The following DYSF variants were observed in gnomAD, a reference collection of about 807,000 sequenced individuals.
DYSF encodes dystrophy-associated fer-1-like 1.
A neutral mutation model predicts 274.9 loss-of-function variants in DYSF; 212 were observed. The ratio of observed to expected loss-of-function variants is 0.77; its 90% CI spans 0.69 to 0.86. The LOEUF (loss-of-function observed/expected upper bound fraction) is 0.86, where lower values mean the gene tolerates loss of function less well. Ranked by LOEUF, DYSF falls within the 40% of genes least tolerant of loss-of-function variation. The probability of loss-of-function intolerance (pLI) is 0.00; values close to 1 mark genes in which losing one functional copy is unlikely to be tolerated. For synonymous variants in DYSF, 1,091 were observed against 1,078.7 expected (o/e 1.01, Z -0.22); for missense variants, 2,666 against 2,783.2 (o/e 0.96, Z 0.95).
chr2:71,471,236 G>A (rs1255150837), intron 1 of DYSF, among the ~76,000 whole-genome samples: 6 of 152,130 alleles, frequency 3.9e-5, no homozygotes, highest in Admixed American at 2.0e-4. Flanking sequence ...TTTCCTCCAA[G>A]ATTTTTTTTC....
intron 39 of DYSF, among the ~76,000 whole-genome samples, chr2:71,613,047 G>C (rs1225654747): frequency 4.6e-5 from 7 of 152,102 alleles, no homozygotes; most frequent in Admixed American, 4.6e-4. Context: ...GCTCAAAGTG[G>C]GCCCAGGGGG....
intron 55 of DYSF, among the ~76,000 whole-genome samples, chr2:71,682,947 A>G (rs1164430482): frequency 6.6e-6 from 1 of 152,168 alleles, no homozygotes; most frequent in Non-Finnish European, 1.5e-5. Flanking sequence ...GCAAGCCCCT[A>G]GAATTTGTAA....
intron 1 of DYSF, among the ~76,000 whole-genome samples, chr2:71,470,607 G>C (rs2081937385): frequency 6.8e-6 from 1 of 148,072 alleles, no homozygotes; most frequent in Non-Finnish European, 1.5e-5. Context: ...CCAGGAGACG[G>C]AGGTTGCAGT....
At chr2:71,543,879 G>A (rs1427763647) in intron 17 of DYSF, among the ~76,000 whole-genome samples, 6 of 147,284 alleles carry the variant, frequency 4.1e-5, no homozygotes, top group Admixed American at 3.3e-4. Context: ...AGACCGTGGG[G>A]AGAGGGAGAG....
chr2:71,610,265 T>C (rs1210139615), intron 36 of DYSF, among the ~76,000 whole-genome samples: 2 of 152,208 alleles, frequency 1.3e-5, no homozygotes, highest in East Asian at 3.8e-4. Flanking sequence ...CTGTTGAAGG[T>C]TTACATGAAG....
chr2:71,460,993 G>A (rs11898122), intron 1 of DYSF, among the ~76,000 whole-genome samples: 40,045 of 150,594 alleles, frequency 0.27, 5,745 homozygotes, highest in African/African-American at 0.39. Flanking sequence ...ATATCCAAAA[G>A]TCCCTCTAGG....
At chr2:71,549,317 C>T (rs1249771447) in intron 17 of DYSF, 3 of 1,608,976 alleles carry the variant, frequency 1.9e-6, no homozygotes, top group Admixed American at 1.7e-5. Context: ...GCCATGCCCA[C>T]CCTAACCCCT....
chr2:71,571,897 GCA>G (rs1006225588), intron 29 of DYSF, among the ~76,000 whole-genome samples: 6 of 101,334 alleles, frequency 5.9e-5, no homozygotes, highest in Non-Finnish European at 1.2e-4. Flanking sequence ...CTCACACCCA[GCA>G]CACACACAGA....
chr2:71,666,768 G>T (rs2095020644), intron 47 of DYSF, among the ~76,000 whole-genome samples: 1 of 152,228 alleles, frequency 6.6e-6, no homozygotes, highest in African/African-American at 2.4e-5. Flanking sequence ...CTGCTCTGCT[G>T]CTAGTTGTGT....
intron 10 of DYSF, among the ~76,000 whole-genome samples, chr2:71,519,455 G>A (rs1427155089): frequency 2.0e-5 from 3 of 152,112 alleles, no homozygotes; most frequent in Admixed American, 2.0e-4. Flanking sequence ...TAAGTGGAAT[G>A]TACACAGTTC....
intron 34 of DYSF, 67 bp from the exon 35 acceptor site, chr2:71,601,432 T>C (rs955642549): frequency 1.0e-5 from 16 of 1,592,096 alleles, no homozygotes; most frequent in Non-Finnish European, 1.2e-5. Context: ...AGTCCATGAG[T>C]GTCATGAGGG....
At chr2:71,592,268 A>G (rs2093288968) in intron 32 of DYSF, among the ~76,000 whole-genome samples, 2 of 152,108 alleles carry the variant, frequency 1.3e-5, no homozygotes, top group African/African-American at 4.8e-5. Context: ...CCCTCTGGAG[A>G]CGGCATTGGT....
intron 20 of DYSF, 55 bp from the exon 21 acceptor site, chr2:71,553,752 A>AAACCCC: frequency 3.7e-6 from 1 of 267,804 alleles, no homozygotes; most frequent in Non-Finnish European, 6.7e-6. Context: ...TTAGCACCCC[A>AAACCCC]TCCCACCCGC....
intron 41 of DYSF, among the ~76,000 whole-genome samples, chr2:71,628,372 T>G (rs143025593): frequency 6.6e-6 from 1 of 152,130 alleles, no homozygotes; most frequent in African/African-American, 2.4e-5. Context: ...AAGCATTATT[T>G]TATTTTAAGT....
chr2:71,620,234 C>T (rs2152894305), intron 40 of DYSF, among the ~76,000 whole-genome samples: 1 of 152,294 alleles, frequency 6.6e-6, no homozygotes, highest in East Asian at 1.9e-4. Flanking sequence ...ATTGGCTGAG[C>T]CCCTTCCACG....
chr2:71,597,555 C>T (rs2093435281), intron 32 of DYSF, among the ~76,000 whole-genome samples: 1 of 152,204 alleles, frequency 6.6e-6, no homozygotes, highest in Non-Finnish European at 1.5e-5. Context: ...TCTCTGGGGG[C>T]AGCACCCAGC....
rs151216464 is a variant in DYSF, at chr2:71,559,786, G to C, written c.2217-1966G>C. 3.6e-3 allele frequency among the ~76,000 whole-genome samples: 546 copies of C among 152,342 alleles called. 2 individuals carry two copies. The highest frequency in any genetic ancestry group is 3.5e-3 in the Non-Finnish European group (240 of 68,032). On this transcript the variant is annotated intron_variant, in intron 22 of 55. Transcript: ENST00000410020. ...TCTGAGGCTGCTCAGGTGGGGATCTGTTTGCGTCTCTGTTCTGCGGACTTC... is the reference window on the plus strand; with the variant it reads ...TCTGAGGCTGCTCAGGTGGGGATCTCTTTGCGTCTCTGTTCTGCGGACTTC...
At chr2:71,463,513 A>G (rs1013455022), upstream of DYSF, among the ~76,000 whole-genome samples, 5 of 152,222 alleles carry the variant, frequency 3.3e-5, no homozygotes, top group Admixed American at 1.3e-4. Flanking sequence ...CCGGCTCTGC[A>G]GAGTGCACAA....
intron 53 of DYSF, among the ~76,000 whole-genome samples, chr2:71,680,800 G>C (rs7558412): frequency 2.0e-5 from 3 of 152,316 alleles, no homozygotes; most frequent in South Asian, 4.1e-4. Flanking sequence ...AGTGGAAGTA[G>C]GGGTGGCAGT....
Sources: allele counts gnomAD v4.1 joint callset (sites outside exome capture counted in the v4.1 genomes callset), GRCh38; gene constraint gnomAD v4.1.1; transcripts MANE v1.5; gene names NCBI Gene and HGNC (gene_info 2026-07-23, HGNC 2026-07-21).